The following PTK2B variants were observed in gnomAD, a reference collection of about 807,000 sequenced individuals.
The protein encoded by PTK2B is protein-tyrosine kinase 2-beta.
In PTK2B, 71 loss-of-function variants were observed where a neutral mutation model predicts 142.9. The observed-to-expected ratio is 0.50, with a 90% CI of 0.41 to 0.61. The LOEUF is 0.61. Among genes scored for constraint, PTK2B ranks in the 20% least tolerant of loss-of-function variants. PTK2B has a pLI of 0.00. For synonymous variants in PTK2B, 519 were observed against 503.4 expected, an observed-to-expected ratio of 1.03 and a Z score of -0.42; for missense variants, 1,105 against 1,320.4, an observed-to-expected ratio of 0.84 and a Z score of 2.53.
At chr8:27,356,230 A>T (rs1438104704) in intron 1 of PTK2B, among the ~76,000 whole-genome samples, 1 of 152,168 alleles carries the variant, frequency 6.6e-6, no homozygotes, top group East Asian at 1.9e-4. Flanking sequence ...TGTATTAGGA[A>T]AAGACTGTGA....
chr8:27,439,093 G>A lies in PTK2B; in HGVS notation c.1706G>A (p.Gly569Asp). ...GAGTGTGTGAAGCTGGGGGACTTTG[G>A]TCTTTCCCGGTACATTGAGGACGAG... is the stretch of plus-strand genomic sequence containing the variant. Reference protein sequence around the residue: ...SPECVKLGDFGLSRYIEDEDY... With the variant: ...SPECVKLGDFDLSRYIEDEDY... The change falls in exon 19 of 31, where the codon GGT becomes GAT. Residue 569 changes from glycine (G) to aspartate (D), a missense_variant. Physicochemically the swap from Gly to Asp is moderately conservative, Grantham distance 94 (BLOSUM62 -1). Transcript: ENST00000346049. 1 of 1,614,092 alleles carries A rather than the reference G, an allele frequency of 6.2e-7. No individual in the cohort carries two copies. Among genetic ancestry groups the A allele is most frequent in the Non-Finnish European group, 8.5e-7 (1 of 1,179,946 alleles).
chr8:27,454,461 C>T, intron 29 of PTK2B, 70 bp from the exon 30 acceptor site: 1 of 1,576,814 alleles, frequency 6.3e-7, no homozygotes, highest in Non-Finnish European at 8.7e-7. Context: ...CAGGAGAGCT[C>T]TTCCCAGGGG....
chr8:27,400,094 T>A (rs1301568860), intron 2 of PTK2B, among the ~76,000 whole-genome samples: 2 of 152,238 alleles, frequency 1.3e-5, no homozygotes, highest in Non-Finnish European at 2.9e-5. Context: ...GGTATCTGTC[T>A]TATTTTCAAA....
At chr8:27,392,681 G>A (rs1317927720) in intron 1 of PTK2B, among the ~76,000 whole-genome samples, 1 of 152,176 alleles carries the variant, frequency 6.6e-6, no homozygotes, top group Non-Finnish European at 1.5e-5. Context: ...GTTCTCTCAA[G>A]AACCTGAAGA....
intron 7 of PTK2B, among the ~76,000 whole-genome samples, 178 bp from the exon 8 acceptor site, chr8:27,430,698 G>C (rs373783081): frequency 6.6e-6 from 1 of 152,194 alleles, no homozygotes; most frequent in East Asian, 1.9e-4. Context: ...GTAGGGTTAC[G>C]GGGAGTCTCC....
chr8:27,433,351 G>A, intron 10 of PTK2B, 84 bp from the exon 11 acceptor site: 1 of 1,187,150 alleles, frequency 8.4e-7, no homozygotes, highest in South Asian at 1.3e-5. Context: ...TGTGGCAGGG[G>A]TCCTGCCATC....
intron 21 of PTK2B, among the ~76,000 whole-genome samples, chr8:27,442,531 G>T (rs1043746668): frequency 6.6e-6 from 1 of 152,218 alleles, no homozygotes; most frequent in African/African-American, 2.4e-5. Context: ...ATCTACATAG[G>T]GGTTTGGTGC....
chr8:27,310,942 CGA>C, upstream of PTK2B: 2 of 1,612,660 alleles, frequency 1.2e-6, no homozygotes, highest in Non-Finnish European at 1.7e-6. Flanking sequence ...GGCAGACACG[CGA>C]GAAGCGGTAG....
Position 27,377,991 on chromosome 8 carries a change from G to T in PTK2B, c.-37-19557G>T, listed in dbSNP as rs547120467. Among the ~76,000 whole-genome samples, 12 of 152,256 alleles carry T rather than the reference G, an allele frequency of 7.9e-5. No individual in the cohort carries two copies. In the South Asian group the frequency reaches 1.9e-3, roughly 24 times the overall value. On this transcript the variant is annotated intron_variant, in intron 1 of 30. Coordinates refer to ENST00000346049, the MANE Select transcript of PTK2B (RefSeq NM_173176.3). ...TGGGGAAGGGAACATCCCTACCTTTGGTTCCCTCACTTGTAAAAACGAGGG... is the reference window on the plus strand; with the variant it reads ...TGGGGAAGGGAACATCCCTACCTTTTGTTCCCTCACTTGTAAAAACGAGGG...
At chr8:27,453,368 A>T (rs1400744604) in intron 28 of PTK2B, among the ~76,000 whole-genome samples, 1 of 152,144 alleles carries the variant, frequency 6.6e-6, no homozygotes, top group African/African-American at 2.4e-5. Context: ...AGGAAGAACC[A>T]ATCTCCCACT....
Position 27,454,522 on chromosome 8 carries a change from T to TC in PTK2B, c.2734-3dup, listed in dbSNP as rs1240582377. The TC allele has an allele frequency of 6.2e-7, 1 of 1,613,250 alleles. No homozygotes were observed. Among genetic ancestry groups the TC allele is most frequent in the Non-Finnish European group, 8.5e-7 (1 of 1,179,418 alleles). ...GAGTGGCGGCCATCCTGCCCCTTTC[T>TC]CCCCCCAGAATGTGGGGCTGACCCT... is the stretch of plus-strand genomic sequence containing the variant. On this transcript the variant is annotated splice_polypyrimidine_tract_variant and intron_variant, in intron 29 of 30. Transcript: ENST00000346049.
intron 2 of PTK2B, among the ~76,000 whole-genome samples, chr8:27,312,988 C>A (rs1803014739): frequency 6.6e-6 from 1 of 152,172 alleles, no homozygotes; most frequent in Admixed American, 6.5e-5. Context: ...GACTGAGGGG[C>A]ATGATATGGT....
chr8:27,438,638 T>A (rs796948536), intron 18 of PTK2B, among the ~76,000 whole-genome samples: 38 of 152,236 alleles, frequency 2.5e-4, no homozygotes, highest in African/African-American at 8.2e-4. Flanking sequence ...CCTTGAAGAA[T>A]CACCAGGTGA....
intron 1 of PTK2B, among the ~76,000 whole-genome samples, chr8:27,397,119 C>T (rs17447958): frequency 0.36 from 54,356 of 152,086 alleles, 10,742 homozygotes; most frequent in Middle Eastern, 0.5. Flanking sequence ...TCAGATTTTC[C>T]GCCTTGTCCC....
chr8:27,400,225 A>G (rs1463752145), intron 2 of PTK2B, among the ~76,000 whole-genome samples: 1 of 152,214 alleles, frequency 6.6e-6, no homozygotes, highest in Non-Finnish European at 1.5e-5. Context: ...ATGTTTGGTT[A>G]AACAATTCTG....
At chr8:27,406,446 A>T (rs1808717113) in intron 2 of PTK2B, among the ~76,000 whole-genome samples, 1 of 152,182 alleles carries the variant, frequency 6.6e-6, no homozygotes, top group African/African-American at 2.4e-5. Flanking sequence ...AGACCAGTGT[A>T]CCCAGATGTA....
At chr8:27,401,841 T>C (rs552180710) in intron 2 of PTK2B, among the ~76,000 whole-genome samples, 1 of 152,310 alleles carries the variant, frequency 6.6e-6, no homozygotes, top group South Asian at 2.1e-4. Context: ...AAATGAGAGA[T>C]GACAGTAGCT....
chr8:27,353,450 T>C (rs1349879423), intron 1 of PTK2B, among the ~76,000 whole-genome samples: 1 of 152,218 alleles, frequency 6.6e-6, no homozygotes, highest in Non-Finnish European at 1.5e-5. Context: ...TTTCTTCATA[T>C]GGGATAGGAA....
rs149907380 is a variant in PTK2B, at chr8:27,378,274, T to G, written c.-37-19274T>G. Among the ~76,000 whole-genome samples the G allele has an allele frequency of 1.2e-3, 178 of 152,312 alleles. 3 individuals are homozygous for G. The Middle Eastern group carries it at 0.02, about 17-fold the overall frequency. ...ATGATCCTGGAAGCATCAAATCTAG[T>G]CCAGGGGCTTTAGCCCAGACCTTAA... On this transcript the variant is annotated intron_variant, in intron 1 of 30. Coordinates refer to ENST00000346049, the MANE Select transcript of PTK2B (RefSeq NM_173176.3).
Sources: gnomAD v4.1 joint callset for allele counts (sites outside exome capture counted in the v4.1 genomes callset) on GRCh38, gnomAD v4.1.1 for gene constraint, MANE v1.5 for transcripts, NCBI Gene and HGNC (gene_info 2026-07-23, HGNC 2026-07-21) for gene names.